TTC28: variants seen among roughly 807,000 people sequenced by gnomAD.
The protein encoded by TTC28 is tetratricopeptide repeat protein 28.
TTC28 carries 61 observed loss-of-function variants against 198.0 expected under a neutral mutation model. That is an observed-to-expected ratio of 0.31 (90% CI 0.25 to 0.38). The LOEUF (loss-of-function observed/expected upper bound fraction) is 0.38, where lower values mean the gene tolerates loss of function less well. Ranked by LOEUF, TTC28 falls within the 10% of genes least tolerant of loss-of-function variation. The pLI is 1.00. For synonymous variants in TTC28, 1,171 were observed against 1,297.8 expected (o/e 0.90, Z 2.10); for missense variants, 2,678 against 3,164.0 (o/e 0.85, Z 3.69).
chr22:28,655,312 A>C (rs1176971114), intron 1 of TTC28, among the ~76,000 whole-genome samples: 1 of 152,216 alleles, frequency 6.6e-6, no homozygotes, highest in Non-Finnish European at 1.5e-5. Context: ...TGTATTATCT[A>C]TCCATTTCAT....
At chr22:28,231,062 ATCTTTCAACAATCTTTTCTTT>A (rs1488303273) in intron 5 of TTC28, among the ~76,000 whole-genome samples, 2 of 152,218 alleles carry the variant, frequency 1.3e-5, no homozygotes, top group Non-Finnish European at 2.9e-5. Flanking sequence ...TAAAGTCAGT[ATCTTTCAACAATCTTTTCTTT>A]TCTTTCAACA....
At chr22:28,152,745 T>A (rs1284692072) in intron 6 of TTC28, among the ~76,000 whole-genome samples, 2 of 152,232 alleles carry the variant, frequency 1.3e-5, no homozygotes, top group African/African-American at 2.4e-5. Context: ...GTGTACTGAC[T>A]ACCTATAATT....
At chr22:28,189,825 C>G (rs1488370902) in intron 5 of TTC28, among the ~76,000 whole-genome samples, 2 of 151,830 alleles carry the variant, frequency 1.3e-5, no homozygotes, top group Non-Finnish European at 1.5e-5. Flanking sequence ...GTCTCAAAAA[C>G]TTTACCTATA....
At chr22:28,661,611 T>C (rs2051749760) in intron 1 of TTC28, among the ~76,000 whole-genome samples, 1 of 151,510 alleles carries the variant, frequency 6.6e-6, no homozygotes, top group Non-Finnish European at 1.5e-5. Context: ...AGACAGATAG[T>C]TTTGTTTTTT....
intron 2 of TTC28, among the ~76,000 whole-genome samples, chr22:28,429,313 T>C (rs748302923): frequency 6.6e-6 from 1 of 152,166 alleles, no homozygotes; most frequent in Non-Finnish European, 1.5e-5. Context: ...TGAAAAATGA[T>C]GGCCAAAGCT....
chr22:28,352,512 A>G (rs1238755120), intron 2 of TTC28, among the ~76,000 whole-genome samples: 1 of 152,120 alleles, frequency 6.6e-6, no homozygotes. Context: ...TGCCAGAAAC[A>G]ATGAGGAAAT....
intron 12 of TTC28, among the ~76,000 whole-genome samples, chr22:28,092,738 G>A (rs974518015): frequency 6.6e-6 from 1 of 152,006 alleles, no homozygotes; most frequent in African/African-American, 2.4e-5. Context: ...AATCTCAGAG[G>A]GCAGTGTTAC....
chr22:28,338,296 G>T (rs908442701), intron 2 of TTC28, among the ~76,000 whole-genome samples: 1 of 152,058 alleles, frequency 6.6e-6, no homozygotes, highest in Admixed American at 6.6e-5. Context: ...TTCAACTTTG[G>T]TGAATCTGAC....
chr22:28,580,003 TACACACAC>T (rs751009561), intron 2 of TTC28, among the ~76,000 whole-genome samples: 8 of 151,156 alleles, frequency 5.3e-5, no homozygotes, highest in African/African-American at 1.7e-4. Flanking sequence ...CACACACACA[TACACACAC>T]ACATACACAC....
intron 2 of TTC28, among the ~76,000 whole-genome samples, chr22:28,328,728 T>G (rs2045569638): frequency 6.7e-6 from 1 of 149,126 alleles, no homozygotes; most frequent in Non-Finnish European, 1.5e-5. Context: ...CACTCCAGCC[T>G]GAGCCACAGA....
chr22:28,424,576 C>T (rs990778545), intron 2 of TTC28, among the ~76,000 whole-genome samples: 1 of 152,116 alleles, frequency 6.6e-6, no homozygotes, highest in Non-Finnish European at 1.5e-5. Flanking sequence ...TAACAGCTTC[C>T]TTTGAATACA....
intron 2 of TTC28, among the ~76,000 whole-genome samples, chr22:28,610,377 G>A (rs2050800534): frequency 6.6e-6 from 1 of 152,306 alleles, no homozygotes; most frequent in Middle Eastern, 3.4e-3. Context: ...CTGGAAAGAA[G>A]CTTCCAGAGG....
intron 2 of TTC28, among the ~76,000 whole-genome samples, chr22:28,570,567 G>A (rs987432267): frequency 2.3e-4 from 35 of 152,268 alleles, no homozygotes; most frequent in African/African-American, 8.4e-4. Context: ...GGTGGGAGGA[G>A]AGTGAGGATC....
At chr22:28,592,502 AT>A (rs1226535893) in intron 2 of TTC28, among the ~76,000 whole-genome samples, 3 of 152,140 alleles carry the variant, frequency 2.0e-5, no homozygotes, top group Non-Finnish European at 4.4e-5. Flanking sequence ...TAAAAAAAAA[AT>A]AAAGGTAAAG....
intron 6 of TTC28, among the ~76,000 whole-genome samples, chr22:28,125,149 T>A (rs1942884451): frequency 6.6e-6 from 1 of 152,154 alleles, no homozygotes; most frequent in Admixed American, 6.5e-5. Context: ...AAGTTACTAA[T>A]CATTTGTTTT....
chr22:28,265,120 T>C (rs527501056), intron 5 of TTC28, among the ~76,000 whole-genome samples: 2 of 152,292 alleles, frequency 1.3e-5, no homozygotes, highest in African/African-American at 4.8e-5. Flanking sequence ...ATAAATGACA[T>C]ACATTTATGA....
chr22:28,677,566 G>T (rs2145722255), intron 1 of TTC28, among the ~76,000 whole-genome samples: 1 of 152,264 alleles, frequency 6.6e-6, no homozygotes, highest in Middle Eastern at 3.4e-3. Flanking sequence ...TGGAATCTGG[G>T]AGGTGGAGGT....
rs913311063 is a variant in TTC28 at position 28,618,274 on chromosome 22, C to CTCAA, written c.381+11274_381+11277dup. On this transcript the variant is annotated intron_variant, in intron 2 of 22. Coordinates refer to ENST00000397906, the MANE Select transcript of TTC28 (RefSeq NM_001145418.2). Reference sequence around the variant, plus strand: ...TGGGCAACAAGAGCAAAAACTCCATCTCAATCAATCAATCAATCAATCAAT... The same window carrying CTCAA: ...TGGGCAACAAGAGCAAAAACTCCATCTCAATCAATCAATCAATCAATCAATCAAT... Among the ~76,000 whole-genome samples the CTCAA allele has an allele frequency of 8.9e-4, 136 of 152,122 alleles. 1 individual carries two copies. Among genetic ancestry groups the CTCAA allele is most frequent in the Admixed American group, 3.1e-3 (48 of 15,264 alleles).
At chr22:28,171,622 CAA>C (rs5844804) in intron 5 of TTC28, among the ~76,000 whole-genome samples, 181 of 104,568 alleles carry the variant, frequency 1.7e-3, no homozygotes, top group Middle Eastern at 0.016. Context: ...GGCATATTTG[CAA>C]AAAAAAAAAA....
Sources: allele counts gnomAD v4.1 joint callset (sites outside exome capture counted in the v4.1 genomes callset), GRCh38; gene constraint gnomAD v4.1.1; transcripts MANE v1.5; gene names NCBI Gene and HGNC (gene_info 2026-07-23, HGNC 2026-07-21).